Variants in USB1 observed in about 807,000 individuals in gnomAD.
USB1 encodes the protein U6 snRNA phosphodiesterase 1.
A neutral mutation model predicts 29.9 loss-of-function variants in USB1; 21 were observed. The observed-to-expected ratio is 0.70, with a 90% CI of 0.50 to 1.01. USB1 has a LOEUF of 1.01. Among genes scored for constraint, USB1 ranks in the 50% least tolerant of loss-of-function variants. The pLI is 0.00. For synonymous variants in USB1, 143 were observed against 134.9 expected (o/e 1.06, Z -0.42); for missense variants, 330 against 347.1 (o/e 0.95, Z 0.39).
intron 5 of USB1, among the ~76,000 whole-genome samples, chr16:58,017,943 G>A (rs980271259): frequency 6.6e-6 from 1 of 152,144 alleles, no homozygotes; most frequent in Non-Finnish European, 1.5e-5. Context: ...GACAATTATT[G>A]TTGCTTCAAA....
In USB1 at chr16:58,020,383, A is replaced by C. The variant is rs929478632; in HGVS notation, c.*138A>C. 1.3e-6 allele frequency: 1 copy of C among 743,892 alleles called. No homozygotes were observed. Among genetic ancestry groups the C allele is most frequent in the Non-Finnish European group, 2.4e-6 (1 of 417,606 alleles). The allele number at this position is 743,892 out of a possible 1,614,324, so 46.1% of individuals were successfully genotyped here. A position where few individuals can be genotyped will look rare whatever the true frequency, so the allele number is the denominator to read the frequency against. ...CTTCAACCTGGCAGGAGGTGTAGCC[A>C]CTCCTCATCCTCCCTGAGTGCTGAT... On this transcript the variant is annotated 3_prime_UTR_variant, in exon 7 of 7. Coordinates refer to ENST00000219281, the MANE Select transcript of USB1 (RefSeq NM_024598.4).
At chr16:58,000,665 AGACGGGCG>A (rs1208453394), upstream of USB1, among the ~76,000 whole-genome samples, 9 of 139,712 alleles carry the variant, frequency 6.4e-5, no homozygotes, top group African/African-American at 2.4e-4. The surrounding 1 kb of genome is among the most constrained non-coding windows in gnomAD (Gnocchi z 4.5). Flanking sequence ...GGCCTTGCGG[AGACGGGCG>A]GACGGGCGGG....
chr16:58,020,121 C>A lies in USB1; in HGVS notation c.694-20C>A. On this transcript the variant is annotated intron_variant, in intron 6 of 6. Coordinates refer to ENST00000219281, the MANE Select transcript of USB1 (RefSeq NM_024598.4). ...AGATGCCCCTTAATGTGACTGTCCT[C>A]CCCTGGCTGCTGTTTTAAGGCAATC... 6.2e-7 allele frequency: 1 copy of A among 1,613,632 alleles called. No individual in the cohort carries two copies. The highest frequency in any genetic ancestry group is 8.5e-7 in the Non-Finnish European group (1 of 1,179,604).
At chr16:58,009,490 C>A (rs1327180195) in intron 2 of USB1, among the ~76,000 whole-genome samples, 1 of 151,940 alleles carries the variant, frequency 6.6e-6, no homozygotes, top group Non-Finnish European at 1.5e-5. Flanking sequence ...GAGGCCGAGG[C>A]GGGCGGATCA....
intron 4 of USB1, 183 bp from the exon 5 acceptor site, chr16:58,017,151 T>C: frequency 1.6e-6 from 1 of 642,966 alleles, no homozygotes; most frequent in Non-Finnish European, 2.8e-6. Flanking sequence ...AAGGAAGATT[T>C]ACAGACAGAG....
At chr16:58,015,594 A>G (rs754776483) in intron 4 of USB1, 4 of 152,126 alleles carry the variant, frequency 2.6e-5, no homozygotes, top group African/African-American at 4.8e-5. Flanking sequence ...GCTCTTTTCA[A>G]TCTCATATTC....
intron 3 of USB1, chr16:58,012,253 C>A: frequency 6.5e-7 from 1 of 1,533,804 alleles, no homozygotes; most frequent in Non-Finnish European, 8.7e-7. Context: ...TAGTCCAGCC[C>A]TCCCCCTCTT....
chr16:58,007,690 ATTAT>A (rs1963393237), intron 2 of USB1, among the ~76,000 whole-genome samples: 1 of 151,420 alleles, frequency 6.6e-6, no homozygotes, highest in African/African-American at 2.4e-5. Context: ...CCGGAAGGTA[ATTAT>A]TTATTTATTC....
rs1597056929 is a variant in USB1 at position 58,020,376 on chromosome 16, T to C, written c.*131T>C. 3 of 782,696 alleles carry C rather than the reference T, an allele frequency of 3.8e-6. No homozygotes were observed. The highest frequency in any genetic ancestry group is 2.2e-6 in the Non-Finnish European group (1 of 450,360). 48.5% of individuals were successfully genotyped at this position (782,696 alleles called of 1,614,324 possible). ...GCCATGCCTTCAACCTGGCAGGAGG[T>C]GTAGCCACTCCTCATCCTCCCTGAG... On this transcript the variant is annotated 3_prime_UTR_variant, in exon 7 of 7. Transcript: ENST00000219281.
chr16:58,016,679 T>A (rs1421660472), intron 4 of USB1: 1 of 156,438 alleles, frequency 6.4e-6, no homozygotes, highest in Non-Finnish European at 1.4e-5. Flanking sequence ...GAGGGAAGAG[T>A]CCACTGTGTG....
chr16:58,012,007 G>A (rs181653350), intron 3 of USB1: 6 of 1,150,108 alleles, frequency 5.2e-6, no homozygotes, highest in African/African-American at 1.6e-5. Context: ...TTTCAAATGA[G>A]GTGTTGCACA....
Position 58,002,536 on chromosome 16 carries a change from G to GT in USB1, c.158dup (p.Thr56HisfsTer6). The stretch of plus-strand genomic sequence containing the variant: ...CAGTACCTGACAGTGTGCTGAACAT[G>GT]TTCCCGGGCACCGAGGAGGGGCCTG... On this transcript the variant is annotated frameshift_variant, in exon 2 of 7. Transcript: ENST00000219281. LOFTEE classifies it high-confidence loss of function. 6.2e-7 allele frequency: 1 copy of GT among 1,614,124 alleles called. No homozygotes were observed. Among genetic ancestry groups the GT allele is most frequent in the Non-Finnish European group, 8.5e-7 (1 of 1,180,046 alleles).
At position 58,020,636 on chromosome 16, in the gene USB1, CCT is replaced by C. The variant is rs201974024; in HGVS notation, c.*400_*401del. On this transcript the variant is annotated 3_prime_UTR_variant, in exon 7 of 7. Transcript: ENST00000219281. The stretch of plus-strand genomic sequence containing the variant: ...CTCCTCCCCTCCTCTCTCTTCCTCT[CCT>C]CTCTCTCTTCCTCTCCTCTCTCTTC... 3.0e-4 allele frequency: 93 copies of C among 313,028 alleles called. No homozygotes were observed. Among genetic ancestry groups the C allele is most frequent in the South Asian group, 1.3e-3 (48 of 36,462 alleles). 19.4% of individuals were successfully genotyped at this position (313,028 alleles called of 1,614,324 possible). A position where few individuals can be genotyped will look rare whatever the true frequency, so the allele number is the denominator to read the frequency against.
intron 2 of USB1, among the ~76,000 whole-genome samples, chr16:58,006,347 C>T (rs1254167901): frequency 5.9e-5 from 5 of 84,590 alleles, no homozygotes; most frequent in East Asian, 3.5e-4. Flanking sequence ...AGCAAAACCT[C>T]GTTTCAAAAA....
intron 5 of USB1, among the ~76,000 whole-genome samples, chr16:58,018,486 A>G (rs1329606554): frequency 6.6e-6 from 1 of 152,036 alleles, no homozygotes; most frequent in Non-Finnish European, 1.5e-5. Flanking sequence ...GGCCTCTCAA[A>G]GTGCTAGGAT....
chr16:58,000,982 T>C (rs1963170543), upstream of USB1, among the ~76,000 whole-genome samples: 1 of 151,988 alleles, frequency 6.6e-6, no homozygotes, highest in African/African-American at 2.4e-5. The surrounding 1 kb of genome is among the most constrained non-coding windows in gnomAD (Gnocchi z 4.5). Context: ...TCCTAGAGGC[T>C]CTGGTCTGCC....
chr16:58,017,483 G>A, intron 5 of USB1, 44 bp downstream of exon 5: 1 of 1,566,154 alleles, frequency 6.4e-7, no homozygotes, highest in Non-Finnish European at 8.8e-7. Flanking sequence ...CATTTCTAAT[G>A]AGAATAAAAC....
intron 6 of USB1, 80 bp downstream of exon 6, chr16:58,019,135 G>T (rs1307262283): frequency 7.0e-7 from 1 of 1,425,224 alleles, no homozygotes; most frequent in Non-Finnish European, 9.8e-7. Context: ...GGAGGATGAG[G>T]CACCCAAACC....
At chr16:58,008,689 G>T (rs544537059) in intron 2 of USB1, among the ~76,000 whole-genome samples, 192 of 152,200 alleles carry the variant, frequency 1.3e-3, no homozygotes, top group Middle Eastern at 6.8e-3. Context: ...CTGACCTCCA[G>T]TGATCCACCT....
Sources: allele counts gnomAD v4.1 joint callset (sites outside exome capture counted in the v4.1 genomes callset), GRCh38; gene constraint gnomAD v4.1.1; non-coding constraint Gnocchi (gnomAD v3.1); transcripts MANE v1.5; gene names NCBI Gene and HGNC (gene_info 2026-07-23, HGNC 2026-07-21).